C1QTNF3: variants seen among roughly 807,000 people sequenced by gnomAD.
C1QTNF3 encodes the protein complement C1q tumor necrosis factor-related protein 3.
In C1QTNF3, 26 loss-of-function variants were observed where a neutral mutation model predicts 32.6. The ratio of observed to expected loss-of-function variants is 0.80; its 90% confidence interval spans 0.58 to 1.11. The LOEUF (loss-of-function observed/expected upper bound fraction) is 1.11. C1QTNF3 is among the 50% of genes least tolerant of loss of function. The pLI, the probability that C1QTNF3 is intolerant of heterozygous loss-of-function variation, is 0.00. For synonymous variants in C1QTNF3, 155 were observed against 146.0 expected (o/e 1.06, Z -0.44); for missense variants, 362 against 398.2 (o/e 0.91, Z 0.77).
the C1QTNF3 span, among the ~76,000 whole-genome samples, chr5:34,137,424 C>A: frequency 6.6e-6 from 1 of 152,164 alleles, no homozygotes; most frequent in Non-Finnish European, 1.5e-5. Context: ...AGACACAGCA[C>A]ACATATCCAT....
At chr5:34,225,917 G>C in the C1QTNF3 span, among the ~76,000 whole-genome samples, 9 of 138,600 alleles carry the variant, frequency 6.5e-5, no homozygotes, top group Middle Eastern at 3.7e-3. Context: ...AATTTTATTT[G>C]AATGCAAAAA....
the C1QTNF3 span, among the ~76,000 whole-genome samples, chr5:34,053,721 G>A: frequency 6.6e-6 from 1 of 152,140 alleles, no homozygotes; most frequent in Non-Finnish European, 1.5e-5. Flanking sequence ...ATATTTGACC[G>A]AATAATAGCC....
the C1QTNF3 span, among the ~76,000 whole-genome samples, chr5:34,104,120 T>C: frequency 2.8e-5 from 3 of 108,742 alleles, no homozygotes; most frequent in African/African-American, 3.6e-5. Context: ...TTAAAGGACA[T>C]TCTACAAAAT....
the C1QTNF3 span, among the ~76,000 whole-genome samples, chr5:34,203,640 T>C: frequency 2.0e-5 from 3 of 151,440 alleles, no homozygotes; most frequent in Non-Finnish European, 4.4e-5. Context: ...GAGCCAAGAT[T>C]GCGCCACTGC....
At chr5:34,065,442 G>A in the C1QTNF3 span, among the ~76,000 whole-genome samples, 1 of 152,190 alleles carries the variant, frequency 6.6e-6, no homozygotes, top group Admixed American at 6.5e-5. Flanking sequence ...GAGGCAGGCA[G>A]ATGTCCTCAG....
the C1QTNF3 span, among the ~76,000 whole-genome samples, chr5:34,087,842 C>G: frequency 8.8e-4 from 134 of 152,308 alleles, no homozygotes; most frequent in Non-Finnish European, 1.0e-4. Context: ...CCTTGGACTC[C>G]CAAAGTGCTG....
chr5:34,022,519 CT>C (rs1754356073), intron 5 of C1QTNF3, among the ~76,000 whole-genome samples: 2 of 152,326 alleles, frequency 1.3e-5, no homozygotes, highest in South Asian at 2.1e-4. Context: ...ATTATTTGTG[CT>C]TCACAGGCTG....
chr5:34,081,323 G>T, the C1QTNF3 span, among the ~76,000 whole-genome samples: 2 of 151,574 alleles, frequency 1.3e-5, no homozygotes, highest in Non-Finnish European at 2.9e-5. Context: ...TAATGCATTT[G>T]CAAAGAAATA....
intron 2 of C1QTNF3, 143 bp downstream of exon 2, chr5:34,035,504 T>C (rs17583316): frequency 0.29 from 196,732 of 687,962 alleles, 30,525 homozygotes; most frequent in South Asian, 0.48. Flanking sequence ...TCCCAGCCTA[T>C]GAACCTGGTA....
chr5:34,132,984 A>G, the C1QTNF3 span, among the ~76,000 whole-genome samples: 1 of 152,182 alleles, frequency 6.6e-6, no homozygotes, highest in Admixed American at 6.5e-5. Flanking sequence ...CGTTTCTCAG[A>G]GCCACTTTAA....
At chr5:34,243,922 T>A in the C1QTNF3 span, among the ~76,000 whole-genome samples, 1 of 152,092 alleles carries the variant, frequency 6.6e-6, no homozygotes, top group Non-Finnish European at 1.5e-5. Context: ...ACTATCTGTG[T>A]CTGAAAAAAA....
At chr5:34,172,517 C>T in the C1QTNF3 span, among the ~76,000 whole-genome samples, 1 of 152,070 alleles carries the variant, frequency 6.6e-6, no homozygotes, top group Non-Finnish European at 1.5e-5. Context: ...TAACTTTATT[C>T]TTTCCCTGTG....
the C1QTNF3 span, among the ~76,000 whole-genome samples, chr5:34,078,208 A>G: frequency 6.6e-6 from 1 of 151,634 alleles, no homozygotes; most frequent in East Asian, 1.9e-4. The surrounding 1 kb of genome is among the most constrained non-coding windows in gnomAD (Gnocchi z 4.0). Flanking sequence ...ATGAGCTGCT[A>G]TAACATGAAT....
At chr5:34,214,119 A>G in the C1QTNF3 span, among the ~76,000 whole-genome samples, 1 of 151,638 alleles carries the variant, frequency 6.6e-6, no homozygotes, top group African/African-American at 2.4e-5. Flanking sequence ...TTGTCTTTAT[A>G]AATCTTATAG....
chr5:34,213,786 CATAT>C, the C1QTNF3 span, among the ~76,000 whole-genome samples: 5 of 15,458 alleles, frequency 3.2e-4, no homozygotes, highest in African/African-American at 9.1e-4. Context: ...TGTATATATA[CATAT>C]ATATATATAT....
the C1QTNF3 span, among the ~76,000 whole-genome samples, chr5:34,129,232 C>T: frequency 1.3e-5 from 2 of 152,140 alleles, no homozygotes; most frequent in Non-Finnish European, 2.9e-5. Context: ...GTCAATTAAA[C>T]CTCTTTTCTT....
the C1QTNF3 span, among the ~76,000 whole-genome samples, chr5:34,109,534 G>A: frequency 6.6e-6 from 1 of 151,658 alleles, no homozygotes; most frequent in Non-Finnish European, 1.5e-5. Flanking sequence ...GTAAGATATG[G>A]GCAAAGTTCT....
chr5:34,170,490 G>A, the C1QTNF3 span, among the ~76,000 whole-genome samples: 16 of 152,168 alleles, frequency 1.1e-4, no homozygotes, highest in African/African-American at 3.4e-4. Flanking sequence ...TCTTGGATAT[G>A]TTTATGTGAA....
chr5:34,133,898 T>C, the C1QTNF3 span, among the ~76,000 whole-genome samples: 4 of 152,238 alleles, frequency 2.6e-5, no homozygotes, highest in African/African-American at 4.8e-5. Flanking sequence ...TACTCCAGGA[T>C]GTGTTTTCAG....
Sources: gnomAD v4.1 joint callset for allele counts (sites outside exome capture counted in the v4.1 genomes callset) on GRCh38, gnomAD v4.1.1 for gene constraint, Gnocchi (gnomAD v3.1) non-coding constraint, MANE v1.5 for transcripts, NCBI Gene and HGNC (gene_info 2026-07-23, HGNC 2026-07-21) for gene names.